The following MUSK variants were observed in gnomAD, a reference collection of about 807,000 sequenced individuals.
The protein encoded by MUSK is muscle associated receptor tyrosine kinase.
A neutral mutation model predicts 88.7 loss-of-function variants in MUSK; 55 were observed. The ratio of observed to expected loss-of-function variants is 0.62; its 90% CI spans 0.50 to 0.78. The LOEUF is 0.78. Ranked by LOEUF, MUSK falls within the 30% of genes least tolerant of loss-of-function variation. MUSK has a pLI of 0.00. For missense variants in MUSK, 1,015 were observed against 1,074.3 expected (o/e 0.94, Z 0.77); for synonymous variants, 387 against 391.9 (o/e 0.99, Z 0.15).
intron 5 of MUSK, 95 bp from the exon 6 acceptor site, chr9:110,734,156 C>T (rs2076999312): frequency 1.4e-6 from 2 of 1,383,438 alleles, no homozygotes; most frequent in Admixed American, 2.1e-5. Context: ...GAACTGCACA[C>T]AGGGGAACAT....
chr9:110,762,303 C>A, intron 8 of MUSK, 95 bp downstream of exon 8: 1 of 944,050 alleles, frequency 1.1e-6, no homozygotes. Flanking sequence ...TTGTGTTGCC[C>A]AGGCTGGAGT....
chr9:110,684,220 T>C (rs1187225936), intron 2 of MUSK, among the ~76,000 whole-genome samples: 1 of 152,124 alleles, frequency 6.6e-6, no homozygotes, highest in Non-Finnish European at 1.5e-5. Flanking sequence ...TTTCCACACA[T>C]CATTTACTGA....
At chr9:110,745,512 A>C (rs2077164549) in intron 6 of MUSK, among the ~76,000 whole-genome samples, 2 of 152,252 alleles carry the variant, frequency 1.3e-5, no homozygotes, top group Non-Finnish European at 2.9e-5. Context: ...TTGATTGAGC[A>C]TAGAGGCTTG....
rs184067979 is a variant in MUSK at position 110,768,450 on chromosome 9, T to G, written c.1184+367T>G. On this transcript the variant is annotated intron_variant, in intron 9 of 14. Coordinates refer to ENST00000374448, the MANE Select transcript of MUSK (RefSeq NM_005592.4). ...GGCAGAGGTTGCAGTGAGCCGAGAT[T>G]GCACCACTGCACTCCAGCCTGAGTG... is the stretch of plus-strand genomic sequence containing the variant. Among the ~76,000 whole-genome samples the G allele has an allele frequency of 1.5e-4, 23 of 152,250 alleles. No homozygotes were observed. In the East Asian group the frequency reaches 4.5e-3, roughly 30 times the overall value.
chr9:110,716,004 A>C (rs1357000307), intron 5 of MUSK, among the ~76,000 whole-genome samples: 1 of 149,576 alleles, frequency 6.7e-6, no homozygotes, highest in Non-Finnish European at 1.5e-5. Flanking sequence ...AGCTTCAGGA[A>C]GAGTAGCTAA....
chr9:110,690,784 G>C (rs1191688475), intron 3 of MUSK, among the ~76,000 whole-genome samples: 1 of 76,554 alleles, frequency 1.3e-5, no homozygotes, highest in Admixed American at 1.9e-4. Flanking sequence ...TTAAATATAA[G>C]TATATATATA....
intron 5 of MUSK, chr9:110,727,307 T>C (rs1295745248): frequency 6.6e-6 from 1 of 151,958 alleles, no homozygotes; most frequent in African/African-American, 2.4e-5. Context: ...GAAAAGGGGG[T>C]TGAATTTCTG....
At chr9:110,689,674 T>TATAATATGTAACTATATATATATATAA (rs370936018) in intron 3 of MUSK, among the ~76,000 whole-genome samples, 1 of 72,368 alleles carries the variant, frequency 1.4e-5, no homozygotes, top group Non-Finnish European at 2.3e-5. Flanking sequence ...CATAGTATAT[T>TATAATATGTAACTATATATATATATAA]ATATATAACT....
At chr9:110,716,873 G>A (rs895712919) in intron 5 of MUSK, among the ~76,000 whole-genome samples, 2 of 149,822 alleles carry the variant, frequency 1.3e-5, no homozygotes, top group Admixed American at 6.6e-5. Context: ...TTTGGATGAT[G>A]TTCCTCTTCA....
At chr9:110,762,980 C>T (rs1564274652) in intron 8 of MUSK, among the ~76,000 whole-genome samples, 1 of 151,982 alleles carries the variant, frequency 6.6e-6, no homozygotes, top group Non-Finnish European at 1.5e-5. Context: ...GTGTTCTCAT[C>T]ATCAGAAAAT....
chr9:110,802,244 C>T lies in MUSK; in HGVS notation c.*1256C>T, dbSNP rs114764786. Among the ~76,000 whole-genome samples, 283 of 152,096 alleles carry T rather than the reference C, an allele frequency of 1.9e-3. 2 individuals are homozygous for T. Among genetic ancestry groups the T allele is most frequent in the African/African-American group, 6.3e-3 (263 of 41,498 alleles). ...TGATTTAAAAAAAAAAGCAGCAGCT[C>T]TGGAACTCAGATTCCTGGGGGTTCA... On this transcript the variant is annotated 3_prime_UTR_variant, in exon 15 of 15. Coordinates refer to ENST00000374448, the MANE Select transcript of MUSK (RefSeq NM_005592.4).
At chr9:110,764,651 T>A (rs2077451929) in intron 8 of MUSK, among the ~76,000 whole-genome samples, 1 of 147,180 alleles carries the variant, frequency 6.8e-6, no homozygotes, top group Non-Finnish European at 1.5e-5. Flanking sequence ...AGGTAGATCA[T>A]CGGTCTTGTG....
At chr9:110,689,105 G>C (rs187807332) in intron 3 of MUSK, among the ~76,000 whole-genome samples, 2,678 of 123,942 alleles carry the variant, frequency 0.022, 108 homozygotes, top group African/African-American at 0.075. Context: ...TAAATATATA[G>C]TTTTATAATT....
intron 14 of MUSK, among the ~76,000 whole-genome samples, chr9:110,789,114 A>G (rs944045276): frequency 6.6e-6 from 1 of 152,246 alleles, no homozygotes; most frequent in Non-Finnish European, 1.5e-5. Context: ...CAGCCAAGAC[A>G]TGACATGACA....
intron 2 of MUSK, among the ~76,000 whole-genome samples, chr9:110,683,990 A>G (rs1234473126): frequency 6.6e-6 from 1 of 151,906 alleles, no homozygotes; most frequent in Non-Finnish European, 1.5e-5. Context: ...ACTTGATGTG[A>G]TCCCATTTGT....
At chr9:110,762,684 T>C (rs1037805585) in intron 8 of MUSK, among the ~76,000 whole-genome samples, 4 of 152,214 alleles carry the variant, frequency 2.6e-5, no homozygotes, top group Non-Finnish European at 4.4e-5. Flanking sequence ...CTCCCCCTTA[T>C]AGCTCTAACC....
At chr9:110,774,833 A>T (rs1402010401) in intron 9 of MUSK, among the ~76,000 whole-genome samples, 1 of 150,788 alleles carries the variant, frequency 6.6e-6, no homozygotes, top group Admixed American at 6.7e-5. Context: ...TGTGGGAATA[A>T]GTATGAAAAA....
chr9:110,697,292 A>T, intron 4 of MUSK, 33 bp from the exon 5 acceptor site: 2 of 1,611,440 alleles, frequency 1.2e-6, no homozygotes, highest in Non-Finnish European at 1.7e-6. Flanking sequence ...AGACCCATAA[A>T]CATTTTTGAA....
rs541633665 is a variant in MUSK, at chr9:110,767,592, A to C, written c.921-228A>C. 3.9e-5 allele frequency among the ~76,000 whole-genome samples: 6 copies of C among 152,302 alleles called. No homozygotes were observed. In the South Asian group the frequency reaches 1.2e-3, roughly 32 times the overall value. On this transcript the variant is annotated intron_variant, in intron 8 of 14. Coordinates refer to ENST00000374448, the MANE Select transcript of MUSK (RefSeq NM_005592.4). ...CTTCATAGTTCCCAAAGCTTTCCAC[A>C]TCTATCGTCACATTTGGCCTTCTCA...
Sources: gnomAD v4.1 joint callset for allele counts (sites outside exome capture counted in the v4.1 genomes callset) on GRCh38, gnomAD v4.1.1 for gene constraint, MANE v1.5 for transcripts, NCBI Gene and HGNC (gene_info 2026-07-23, HGNC 2026-07-21) for gene names.